Variants in TTN observed in about 807,000 individuals in gnomAD.
TTN encodes the protein connectin.
A neutral mutation model predicts 3,223.0 loss-of-function variants in TTN; 1,525 were observed. The observed-to-expected ratio is 0.47, with a 90% confidence interval of 0.45 to 0.49. The LOEUF (loss-of-function observed/expected upper bound fraction) is 0.49. TTN is among the 20% of genes least tolerant of loss of function. TTN has a pLI of 0.00. For synonymous variants in TTN, 14,094 were observed against 15,161.0 expected, an observed-to-expected ratio of 0.93 and a Z score of 5.17; for missense variants, 40,786 against 43,424.0, an observed-to-expected ratio of 0.94 and a Z score of 5.40.
In TTN at chr2:178,741,633, T is replaced by C. The variant is rs769510047; in HGVS notation, c.11600A>G (p.Lys3867Arg). ...ATGATCATCACCGTCAAAAACAAAT[T>C]TGTAGTCAGCAGAAGGGGTTAATAG... ...GVLLTPSADYKFVFDGDDHSL... is the reference protein window; with the variant it reads ...GVLLTPSADYRFVFDGDDHSL... The change falls in exon 48 of 363, where the codon AAA becomes AGA. Residue 3867 changes from lysine (K) to arginine (R), a missense_variant. By Grantham distance (26) the Lys-to-Arg change is conservative (BLOSUM62 2). Transcript: ENST00000589042. The C allele has an allele frequency of 1.2e-6, 2 of 1,613,780 alleles. No homozygotes were observed. The highest frequency in any genetic ancestry group is 1.7e-6 in the Non-Finnish European group (2 of 1,179,778).
At chr2:178,674,227 G>A (rs1048701044) in intron 151 of TTN, 87 bp downstream of exon 151, 2 of 775,996 alleles carry the variant, frequency 2.6e-6, no homozygotes, top group African/African-American at 1.8e-5. Flanking sequence ...TATAAGAAAA[G>A]CATACTGGTG....
At position 178,650,215 on chromosome 2, in the gene TTN, T is replaced by C. The variant is rs762177160; in HGVS notation, c.39766A>G (p.Lys13256Glu). The C allele has an allele frequency of 2.6e-6, 4 of 1,558,350 alleles. No homozygotes were observed. The highest frequency in any genetic ancestry group is 3.5e-6 in the Non-Finnish European group (4 of 1,151,194). Residue 13256 changes from lysine (K) to glutamate (E), a missense_variant, in exon 210 of 363, where the codon AAG becomes GAG. Transcript: ENST00000589042. ...TCCTCTTCTGCAACAGGAACTGGCT[T>C]TTCCTCTTCAGGAGCAATTTCCTCT... ...PEEEIAPEEE[K>E]PVPVAEEEEP...
Position 178,667,505 on chromosome 2 carries a change from C to T in TTN, c.35650G>A (p.Val11884Ile), listed in dbSNP as rs1467879534. 32 of 1,598,120 alleles carry T rather than the reference C, an allele frequency of 2.0e-5. No individual in the cohort carries two copies. The highest frequency in any genetic ancestry group is 2.4e-5 in the Non-Finnish European group (28 of 1,179,222). The change falls in exon 161 of 363, where the codon GTT (valine) becomes ATT (isoleucine). Residue 11884 changes from valine (V) to isoleucine (I), a missense_variant. Transcript: ENST00000589042. The stretch of plus-strand genomic sequence containing the variant: ...ACATATATTTTGTCTTCTGGAACAA[C>T]TTTCTTGGGTGGCTCAGGCACTTAA... ...LAKVPEPPKKVVPEDKIYVTI... is the reference protein window; with the variant it reads ...LAKVPEPPKKIVPEDKIYVTI...
In TTN at chr2:178,676,005, CAT is replaced by C; in HGVS notation, c.34379-12_34379-11del. The stretch of plus-strand genomic sequence containing the variant: ...TTCTTAATTTCAGGCACTTTAAAGA[CAT>C]CATTTCATGATAAGGATTTATTTTG... On this transcript the variant is annotated splice_polypyrimidine_tract_variant and intron_variant, in intron 147 of 362. Transcript: ENST00000589042. 1 of 1,587,386 alleles carries C rather than the reference CAT, an allele frequency of 6.3e-7. No individual in the cohort carries two copies. Among genetic ancestry groups the C allele is most frequent in the Non-Finnish European group, 8.6e-7 (1 of 1,165,284 alleles).
At position 178,624,662 on chromosome 2, in the gene TTN, T is replaced by G; in HGVS notation, c.44618A>C (p.Glu14873Ala). The G allele has an allele frequency of 6.2e-7, 1 of 1,612,552 alleles. No homozygotes were observed. Among genetic ancestry groups the G allele is most frequent in the African/African-American group, 1.3e-5 (1 of 74,932 alleles). ...AGCATTTTCTCTGGAGACTTCACAC[T>G]CCAGCACTGCAGTGGCTCCCTCTTC... Reference protein sequence around the residue: ...TVEEGATAVLECEVSRENAKV... With the variant: ...TVEEGATAVLACEVSRENAKV... Residue 14873 changes from glutamate to alanine, a missense_variant, in exon 242 of 363, where the codon GAG (glutamate) becomes GCG (alanine). Glu to Ala is a moderately radical substitution (Grantham distance 107). Coordinates refer to ENST00000589042, the MANE Select transcript of TTN (RefSeq NM_001267550.2).
Position 178,560,314 on chromosome 2 carries a change from A to C in TTN, c.85818T>G (p.Tyr28606Ter). 1 of 1,613,828 alleles carries C rather than the reference A, an allele frequency of 6.2e-7. No homozygotes were observed. Among genetic ancestry groups the C allele is most frequent in the Non-Finnish European group, 8.5e-7 (1 of 1,179,800 alleles). The change falls in exon 326 of 363, where the codon TAT (tyrosine) becomes TAG (stop). Residue 28606 changes from tyrosine (Y) to a stop codon, truncating the protein, a stop_gained. Coordinates refer to ENST00000589042, the MANE Select transcript of TTN (RefSeq NM_001267550.2). LOFTEE classifies it high-confidence loss of function. Reference sequence around the variant, plus strand: ...GTCCTGTTGATTTCACTCTTAGATCATAAACTGGTTTTTTGTTTACACGCA... The same window carrying C: ...GTCCTGTTGATTTCACTCTTAGATCCTAAACTGGTTTTTTGTTTACACGCA... ...RWVRVNKKPV[Y>*]DLRVKSTGLR...
chr2:178,793,227 G>A (rs187414593), intron 9 of TTN, among the ~76,000 whole-genome samples, 177 bp downstream of exon 9: 3 of 152,180 alleles, frequency 2.0e-5, no homozygotes, highest in Admixed American at 6.5e-5. Context: ...GAGCATTCAG[G>A]GACACTACCA....
rs1439203957 is a variant in TTN, at chr2:178,568,506, C to T, written c.77626G>A (p.Val25876Ile). The change falls in exon 326 of 363, where the codon GTT becomes ATT. Residue 25876 changes from valine to isoleucine, a missense_variant. By Grantham distance (29) the Val-to-Ile change is conservative. Transcript: ENST00000589042. ...GQYGITVANV[V>I]GQKTASIEIV... ...TCGATGGATGCTGTCTTCTGACCAA[C>T]AACATTGGCAACTGTGATTCCATAT... 6.2e-7 allele frequency: 1 copy of T among 1,613,420 alleles called. No individual in the cohort carries two copies. Among genetic ancestry groups the T allele is most frequent in the Non-Finnish European group, 8.5e-7 (1 of 1,179,576 alleles).
At chr2:178,779,599 T>A in intron 22 of TTN, 137 bp from the exon 23 acceptor site, 1 of 641,582 alleles carries the variant, frequency 1.6e-6, no homozygotes, top group Non-Finnish European at 2.7e-6. Flanking sequence ...TTGTTTGTTT[T>A]AATCTGCATT....
At position 178,717,786 on chromosome 2, in the gene TTN, G is replaced by C. The variant is rs778129279; in HGVS notation, c.25088C>G (p.Ala8363Gly). Residue 8363 changes from alanine to glycine, a missense_variant, in exon 87 of 363, where the codon GCA (alanine) becomes GGA (glycine). Ala to Gly is a moderately conservative substitution (Grantham distance 60, BLOSUM62 0). Coordinates refer to ENST00000589042, the MANE Select transcript of TTN (RefSeq NM_001267550.2). ...CTCATGAACGTCTTTCAGTTTTCTT[G>C]CAAAGAAAGGTGGAAGTTTGCGCGC... ...IKARKLPPFF[A>G]RKLKDVHETL... 1 of 1,607,530 alleles carries C rather than the reference G, an allele frequency of 6.2e-7. No homozygotes were observed. Among genetic ancestry groups the C allele is most frequent in the East Asian group, 2.2e-5 (1 of 44,778 alleles).
At chr2:178,629,272 G>A (rs371212341) in intron 240 of TTN, 29 bp downstream of exon 240, 56 of 1,607,018 alleles carry the variant, frequency 3.5e-5, no homozygotes, top group Admixed American at 1.5e-4. Flanking sequence ...GAAAAAGAAC[G>A]GGAAAGACAA....
rs770315901 is a variant in TTN, at chr2:178,566,245, C to T, written c.79887G>A (p.Glu26629=). Residue 26629 remains glutamate (E), a synonymous_variant, in exon 326 of 363, where the codon GAG becomes GAA. Coordinates refer to ENST00000589042, the MANE Select transcript of TTN (RefSeq NM_001267550.2). ...RPTPEITWSR[E]EGEFTDKVQI... is the part of the protein sequence containing the mutation. The stretch of plus-strand genomic sequence containing the variant: ...GGACCTTATCTGTGAATTCACCTTC[C>T]TCTCGAGACCAAGTGATCTCAGGCG... The T allele has an allele frequency of 1.9e-6, 3 of 1,613,688 alleles. No homozygotes were observed. The highest frequency in any genetic ancestry group is 1.7e-6 in the Non-Finnish European group (2 of 1,179,710).
intron 235 of TTN, 41 bp from the exon 236 acceptor site, chr2:178,632,454 T>C: frequency 1.3e-6 from 2 of 1,582,964 alleles, no homozygotes; most frequent in South Asian, 2.4e-5. Flanking sequence ...ATTGAAGCAC[T>C]TTAAAGAAGA....
At chr2:178,773,397 G>A in intron 32 of TTN, 28 bp from the exon 33 acceptor site, 1 of 1,613,850 alleles carries the variant, frequency 6.2e-7, no homozygotes. Flanking sequence ...TAATCTCTTG[G>A]TTATTGTTAC....
At position 178,531,399 on chromosome 2, in the gene TTN, C is replaced by T. The variant is rs1259023496; in HGVS notation, c.105216G>A (p.Glu35072=). 1.2e-6 allele frequency: 2 copies of T among 1,614,042 alleles called. No homozygotes were observed. Among genetic ancestry groups the T allele is most frequent in the East Asian group, 2.2e-5 (1 of 44,888 alleles). ...YAVSSFKKTS[E]MEASSSVREV... is the part of the protein sequence containing the mutation. ...CCCTGACAGAAGACGAAGCTTCCAT[C>T]TCAGATGTTTTCTTAAATGATGAAA... The change falls in exon 358 of 363, where the codon GAG becomes GAA. Residue 35072 remains glutamate, a synonymous_variant. Coordinates refer to ENST00000589042, the MANE Select transcript of TTN (RefSeq NM_001267550.2).
In TTN at chr2:178,775,072, C is replaced by G. The variant is rs745719077; in HGVS notation, c.6639G>C (p.Glu2213Asp). 1.9e-6 allele frequency: 3 copies of G among 1,613,938 alleles called. No homozygotes were observed. The highest frequency in any genetic ancestry group is 1.7e-6 in the Non-Finnish European group (2 of 1,179,986). ...VKVKWYKDGM[E>D]VHEGDKYRMH... ...TCCTGTATTTATCTCCCTCATGAAC[C>G]TCCATACCATCTTTATACCATTTCA... Residue 2213 changes from glutamate (E) to aspartate (D), a missense_variant, in exon 29 of 363, where the codon GAG (glutamate) becomes GAC (aspartate). Glu to Asp is a conservative substitution (Grantham distance 45, BLOSUM62 2). Coordinates refer to ENST00000589042, the MANE Select transcript of TTN (RefSeq NM_001267550.2).
chr2:178,776,283 G>A lies in TTN; in HGVS notation c.5581C>T (p.Arg1861Cys), dbSNP rs532733393. ...RVLEGETARF[R>C]CRVTGYPQPK... Reference sequence around the variant, plus strand: ...TGAGGGTAGCCTGTTACCCTGCAGCGGAACCTTGCAGTCTCCCCTTCAAGT... The same window carrying A: ...TGAGGGTAGCCTGTTACCCTGCAGCAGAACCTTGCAGTCTCCCCTTCAAGT... Residue 1861 changes from arginine to cysteine, a missense_variant, in exon 28 of 363, where the codon CGC becomes TGC. Physicochemically the swap from Arg to Cys is radical, Grantham distance 180. Transcript: ENST00000589042. 3.6e-5 allele frequency: 58 copies of A among 1,614,026 alleles called. 1 individual carries two copies. Among genetic ancestry groups the A allele is most frequent in the Admixed American group, 1.0e-4 (6 of 60,014 alleles).
intron 331 of TTN, 55 bp downstream of exon 331, chr2:178,554,810 A>C: frequency 6.2e-7 from 1 of 1,612,046 alleles, no homozygotes; most frequent in Non-Finnish European, 8.5e-7. Flanking sequence ...ACTTGTTCAA[A>C]ATTACTAAGC....
At position 178,574,014 on chromosome 2, in the gene TTN, T is replaced by G; in HGVS notation, c.72118A>C (p.Ile24040Leu). 1 of 1,613,450 alleles carries G rather than the reference T, an allele frequency of 6.2e-7. No individual in the cohort carries two copies. Among genetic ancestry groups the G allele is most frequent in the Non-Finnish European group, 8.5e-7 (1 of 1,179,634 alleles). ...CTGAATGCTTCACCTGCTTTTAATATAACCGTGTCCTTAAATTTAACATCC... is the reference window on the plus strand; with the variant it reads ...CTGAATGCTTCACCTGCTTTTAATAGAACCGTGTCCTTAAATTTAACATCC... Reference protein sequence around the residue: ...KVDVKFKDTVILKAGEAFRLE... With the variant: ...KVDVKFKDTVLLKAGEAFRLE... Residue 24040 changes from isoleucine to leucine, a missense_variant, in exon 326 of 363, where the codon ATA becomes CTA. Coordinates refer to ENST00000589042, the MANE Select transcript of TTN (RefSeq NM_001267550.2).
Sources: gnomAD v4.1 joint callset for allele counts (sites outside exome capture counted in the v4.1 genomes callset) on GRCh38, gnomAD v4.1.1 for gene constraint, MANE v1.5 for transcripts, NCBI Gene and HGNC (gene_info 2026-07-23, HGNC 2026-07-21) for gene names.